The following KSR2 variants were observed in gnomAD, a reference collection of about 807,000 sequenced individuals.
KSR2 encodes the protein kinase suppressor of ras 2.
In KSR2, 25 loss-of-function variants were observed where a neutral mutation model predicts 107.8. The ratio of observed to expected loss-of-function variants is 0.23; its 90% CI spans 0.17 to 0.32. The LOEUF is 0.32. KSR2 is among the 10% of genes least tolerant of loss of function. The pLI, the probability that KSR2 is intolerant of heterozygous loss-of-function variation, is 1.00. For synonymous variants in KSR2, 480 were observed against 507.0 expected (o/e 0.95, Z 0.71); for missense variants, 887 against 1,268.9 (o/e 0.70, Z 4.57).
At chr12:117,711,896 G>A (rs1466267629) in intron 4 of KSR2, among the ~76,000 whole-genome samples, 2 of 152,152 alleles carry the variant, frequency 1.3e-5, no homozygotes, top group Non-Finnish European at 2.9e-5. Context: ...AGAAGTGTGG[G>A]GATCAGGGAG....
intron 14 of KSR2, among the ~76,000 whole-genome samples, chr12:117,511,827 C>T (rs1428880407): frequency 6.6e-6 from 1 of 152,204 alleles, no homozygotes; most frequent in Non-Finnish European, 1.5e-5. Flanking sequence ...ACTGCTCAGT[C>T]CCCAGAGAGG....
chr12:117,576,374 C>A (rs1428093782), intron 7 of KSR2, among the ~76,000 whole-genome samples: 2 of 152,162 alleles, frequency 1.3e-5, no homozygotes, highest in Non-Finnish European at 2.9e-5. Context: ...GACCTAAAGG[C>A]CCAGCCTTGT....
intron 9 of KSR2, among the ~76,000 whole-genome samples, chr12:117,550,625 T>C (rs1877229646): frequency 6.6e-6 from 1 of 151,206 alleles, no homozygotes; most frequent in Admixed American, 6.6e-5. Flanking sequence ...TAAGATGAGG[T>C]TCAAAGAGAA....
At chr12:117,828,966 TG>T (rs1891856570) in intron 3 of KSR2, among the ~76,000 whole-genome samples, 1 of 152,190 alleles carries the variant, frequency 6.6e-6, no homozygotes, top group African/African-American at 2.4e-5. Flanking sequence ...GACAGCCAAC[TG>T]GGTCCAGGTC....
intron 1 of KSR2, among the ~76,000 whole-genome samples, chr12:117,960,668 G>A (rs1336339929): frequency 6.6e-6 from 1 of 152,194 alleles, no homozygotes; most frequent in Non-Finnish European, 1.5e-5. Context: ...GCAGGCATCT[G>A]AGCAAATGAT....
intron 1 of KSR2, among the ~76,000 whole-genome samples, chr12:117,950,977 G>A (rs528771118): frequency 6.3e-4 from 95 of 151,750 alleles, no homozygotes; most frequent in African/African-American, 2.0e-3. Flanking sequence ...GCAGTGGCGC[G>A]ATCTCGACTC....
At chr12:117,646,008 T>C (rs767344224) in intron 5 of KSR2, among the ~76,000 whole-genome samples, 4 of 151,974 alleles carry the variant, frequency 2.6e-5, no homozygotes, top group Admixed American at 6.6e-5. Flanking sequence ...TAAAATGGCA[T>C]AGTCTTCATA....
chr12:117,845,638 G>A (rs1447363844), intron 3 of KSR2, among the ~76,000 whole-genome samples: 1 of 151,772 alleles, frequency 6.6e-6, no homozygotes, highest in African/African-American at 2.4e-5. Flanking sequence ...TCAACCCATT[G>A]AAATTGAAAT....
intron 5 of KSR2, among the ~76,000 whole-genome samples, chr12:117,630,165 C>T (rs908591216): frequency 1.3e-5 from 2 of 152,204 alleles, no homozygotes; most frequent in South Asian, 2.1e-4. Context: ...CCACTAGCGA[C>T]GTCTCTCAGC....
intron 4 of KSR2, among the ~76,000 whole-genome samples, chr12:117,680,346 A>C (rs1397079202): frequency 1.3e-5 from 2 of 152,232 alleles, no homozygotes; most frequent in Non-Finnish European, 2.9e-5. Flanking sequence ...TATTCTTCTC[A>C]TCAGCCATTA....
chr12:117,830,321 AG>A (rs2137111156), intron 3 of KSR2, among the ~76,000 whole-genome samples: 1 of 152,166 alleles, frequency 6.6e-6, no homozygotes, highest in East Asian at 1.9e-4. Flanking sequence ...ATGGTCATAA[AG>A]ATGGGAACAA....
intron 2 of KSR2, among the ~76,000 whole-genome samples, chr12:117,858,459 T>A (rs1407052437): frequency 9.9e-5 from 15 of 150,962 alleles, no homozygotes; most frequent in Non-Finnish European, 1.6e-4. Flanking sequence ...TGGGGTGGGG[T>A]GGGGGCCTGG....
chr12:117,717,454 G>C (rs1376861951), intron 4 of KSR2, among the ~76,000 whole-genome samples: 1 of 152,070 alleles, frequency 6.6e-6, no homozygotes, highest in African/African-American at 2.4e-5. Flanking sequence ...AGGAGGTCAA[G>C]GCTGCAGTGA....
chr12:117,584,681 C>T (rs377158448), intron 5 of KSR2, among the ~76,000 whole-genome samples: 1 of 152,188 alleles, frequency 6.6e-6, no homozygotes, highest in East Asian at 1.9e-4. Flanking sequence ...CTCAAAGCAT[C>T]GTGCCTGAAG....
In KSR2 at chr12:117,461,627, G is replaced by A. The variant is rs2137096368; in HGVS notation, c.*5572C>T. On this transcript the variant is annotated 3_prime_UTR_variant, in exon 20 of 20. Coordinates refer to ENST00000339824, the MANE Select transcript of KSR2 (RefSeq NM_173598.6). ...GTCTGGGATTTGGGTTAATATCATA[G>A]TCAGGCACTGACCAGAGAGGACAGA... 1 of 178,664 alleles carries A rather than the reference G, an allele frequency of 5.6e-6. No individual in the cohort carries two copies. The highest frequency in any genetic ancestry group is 1.5e-4 in the South Asian group (1 of 6,654). 11.1% of individuals were successfully genotyped at this position (178,664 alleles called of 1,614,324 possible).
At chr12:117,590,115 T>C (rs755794085) in intron 5 of KSR2, among the ~76,000 whole-genome samples, 3 of 152,218 alleles carry the variant, frequency 2.0e-5, no homozygotes, top group Non-Finnish European at 4.4e-5. Context: ...TCCCATGACA[T>C]TGAGACAAAA....
At chr12:117,592,107 C>T (rs1232440878) in intron 5 of KSR2, among the ~76,000 whole-genome samples, 3 of 151,334 alleles carry the variant, frequency 2.0e-5, no homozygotes, top group East Asian at 1.9e-4. Context: ...CCCTCAAAAT[C>T]GCTTTCCCCC....
At chr12:117,515,752 C>T (rs1008300012) in intron 14 of KSR2, among the ~76,000 whole-genome samples, 4 of 152,076 alleles carry the variant, frequency 2.6e-5, no homozygotes, top group Admixed American at 6.5e-5. Flanking sequence ...ATGGTGAAAC[C>T]CCGTCTCTAC....
chr12:117,591,359 C>G, intron 5 of KSR2, among the ~76,000 whole-genome samples: 1 of 152,146 alleles, frequency 6.6e-6, no homozygotes. Flanking sequence ...GGGGAAGGAA[C>G]ATGCTGATCC....
Sources: allele counts gnomAD v4.1 joint callset (sites outside exome capture counted in the v4.1 genomes callset), GRCh38; gene constraint gnomAD v4.1.1; transcripts MANE v1.5; gene names NCBI Gene and HGNC (gene_info 2026-07-23, HGNC 2026-07-21).